DPF3: variants seen among roughly 807,000 people sequenced by gnomAD.
DPF3 encodes zinc finger protein DPF3.
A neutral mutation model predicts 56.8 loss-of-function variants in DPF3; 18 were observed. That is an observed-to-expected ratio of 0.32 (90% CI 0.22 to 0.47). DPF3 has a LOEUF of 0.47. Among genes scored for constraint, DPF3 ranks in the 20% least tolerant of loss-of-function variants. The pLI is 1.00. For missense variants in DPF3, 403 were observed against 488.8 expected (o/e 0.82, Z 1.65); for synonymous variants, 188 against 180.2 (o/e 1.04, Z -0.35).
chr14:72,821,091 G>A (rs143778896), intron 1 of DPF3, among the ~76,000 whole-genome samples: 5,520 of 148,808 alleles, frequency 0.037, 282 homozygotes, highest in African/African-American at 0.11. Flanking sequence ...CTGTGATCAC[G>A]CCACTGTACT....
At chr14:72,783,559 T>C (rs933470392) in intron 1 of DPF3, among the ~76,000 whole-genome samples, 3 of 152,084 alleles carry the variant, frequency 2.0e-5, no homozygotes, top group African/African-American at 7.2e-5. Context: ...CAACACAACA[T>C]AAATGACAGC....
At chr14:72,686,816 T>C (rs1887432361) in intron 7 of DPF3, among the ~76,000 whole-genome samples, 1 of 152,200 alleles carries the variant, frequency 6.6e-6, no homozygotes, top group African/African-American at 2.4e-5. Context: ...GTGTCAAGTT[T>C]AGGTACGCAG....
intron 1 of DPF3, among the ~76,000 whole-genome samples, chr14:72,834,494 CAAAAAA>C (rs375709642): frequency 3.3e-5 from 3 of 91,434 alleles, no homozygotes; most frequent in African/African-American, 1.4e-4. Flanking sequence ...GAGACTGTCT[CAAAAAA>C]AAAAAAAAAA....
intron 4 of DPF3, among the ~76,000 whole-genome samples, chr14:72,726,523 T>C (rs1414759358): frequency 6.6e-6 from 1 of 152,168 alleles, no homozygotes; most frequent in Non-Finnish European, 1.5e-5. Context: ...GGGCCTCAGA[T>C]GTGATGGCGG....
At chr14:72,755,387 T>A (rs1251413925) in intron 2 of DPF3, among the ~76,000 whole-genome samples, 1 of 152,070 alleles carries the variant, frequency 6.6e-6, no homozygotes, top group Non-Finnish European at 1.5e-5. Context: ...GCAACTAGTT[T>A]GAATCTCCAG....
At chr14:72,796,265 G>A (rs1265127731) in intron 1 of DPF3, among the ~76,000 whole-genome samples, 2 of 152,162 alleles carry the variant, frequency 1.3e-5, no homozygotes, top group Admixed American at 6.5e-5. Context: ...ATTCCAGAAG[G>A]CGGAGGCAGG....
At chr14:72,620,066 C>T (rs2153565805) in intron 9 of DPF3, 82 bp from the exon 10 acceptor site, 1 of 1,390,202 alleles carries the variant, frequency 7.2e-7, no homozygotes, top group Non-Finnish European at 9.5e-7. Flanking sequence ...ACCCATCAGC[C>T]TTATTTCCAC....
In DPF3 at chr14:72,614,880, T is replaced by C. The variant is rs184010349; in HGVS notation, c.*4417A>G. Among the ~76,000 whole-genome samples the C allele has an allele frequency of 1.2e-3, 185 of 151,112 alleles. No homozygotes were observed. The highest frequency in any genetic ancestry group is 4.2e-3 in the African/African-American group (175 of 41,224). On this transcript the variant is annotated 3_prime_UTR_variant, in exon 11 of 11. Transcript: ENST00000556509. ...GAGGACATCCAGCTCTCTGCCTTTT[T>C]CCACCAGAGATCCTCACCCCTCCCA...
chr14:72,893,111 C>T (rs905615387), intron 1 of DPF3, among the ~76,000 whole-genome samples: 3 of 152,174 alleles, frequency 2.0e-5, no homozygotes, highest in Non-Finnish European at 4.4e-5. Context: ...GCCCGCCCCA[C>T]TCTGTCCAGG....
At chr14:72,708,439 A>T (rs1888509624) in intron 6 of DPF3, among the ~76,000 whole-genome samples, 1 of 151,996 alleles carries the variant, frequency 6.6e-6, no homozygotes, top group Non-Finnish European at 1.5e-5. Flanking sequence ...TCCTACCCCC[A>T]TCCAAGGACC....
chr14:72,766,548 C>T (rs955282624), intron 2 of DPF3, among the ~76,000 whole-genome samples: 1 of 152,206 alleles, frequency 6.6e-6, no homozygotes, highest in Non-Finnish European at 1.5e-5. Context: ...AACTCCTGTG[C>T]TTGAGCAATC....
intron 8 of DPF3, among the ~76,000 whole-genome samples, chr14:72,645,839 G>A (rs1885708384): frequency 6.8e-6 from 1 of 147,582 alleles, no homozygotes; most frequent in Admixed American, 6.9e-5. Context: ...TTGCACTTTT[G>A]CACACAAAGG....
chr14:72,765,428 C>T (rs1891239319), intron 2 of DPF3, among the ~76,000 whole-genome samples: 1 of 152,210 alleles, frequency 6.6e-6, no homozygotes, highest in East Asian at 1.9e-4. Flanking sequence ...GAAAGGAAAG[C>T]ATATGTCCAT....
At position 72,820,989 on chromosome 14, in the gene DPF3, G is replaced by A. The variant is rs148977177; in HGVS notation, c.33-49096C>T. On this transcript the variant is annotated intron_variant, in intron 1 of 10. Transcript: ENST00000556509. ...TCTACCAAAAATACAAAAATTAGCC[G>A]AGTGTGGTGGCACATATGTTTGTAA... Among the ~76,000 whole-genome samples the A allele has an allele frequency of 2.3e-3, 347 of 152,036 alleles. 1 individual carries two copies. The highest frequency in any genetic ancestry group is 7.8e-3 in the African/African-American group (323 of 41,498).
At chr14:72,670,938 T>A in intron 8 of DPF3, 1 of 1,300,498 alleles carries the variant, frequency 7.7e-7, no homozygotes, top group Non-Finnish European at 9.7e-7. Context: ...TTCAGTAGTT[T>A]GTGCTTCTGT....
chr14:72,632,344 A>G (rs1418350003), intron 8 of DPF3, among the ~76,000 whole-genome samples: 5 of 152,192 alleles, frequency 3.3e-5, no homozygotes, highest in Admixed American at 3.3e-4. Flanking sequence ...AATAAAGTCT[A>G]TGATTGCATT....
At chr14:72,889,616 T>A (rs951823658) in intron 1 of DPF3, among the ~76,000 whole-genome samples, 3 of 152,184 alleles carry the variant, frequency 2.0e-5, no homozygotes, top group African/African-American at 7.2e-5. Context: ...CTCTGATATC[T>A]AAACTGAGTG....
At chr14:72,878,304 G>T (rs1473379272) in intron 1 of DPF3, among the ~76,000 whole-genome samples, 2 of 152,206 alleles carry the variant, frequency 1.3e-5, no homozygotes, top group Admixed American at 6.5e-5. Context: ...AAGAGAGAAA[G>T]GCCCTCACTT....
rs936302073 is a variant in DPF3, at chr14:72,611,079, G to A, written c.*8218C>T. 6.6e-6 allele frequency among the ~76,000 whole-genome samples: 1 copy of A among 152,142 alleles called. No individual in the cohort carries two copies. The highest frequency in any genetic ancestry group is 2.4e-5 in the African/African-American group (1 of 41,424). ...GAATTCTCCTCACTGGGAGTCATGT[G>A]CCATCCAGGGCCCCAGAGGAGCCTT... is the stretch of plus-strand genomic sequence containing the variant. On this transcript the variant is annotated 3_prime_UTR_variant, in exon 11 of 11. Transcript: ENST00000556509.
Sources: allele counts gnomAD v4.1 joint callset (sites outside exome capture counted in the v4.1 genomes callset), GRCh38; gene constraint gnomAD v4.1.1; transcripts MANE v1.5; gene names NCBI Gene and HGNC (gene_info 2026-07-23, HGNC 2026-07-21).